TAF3: variants seen among roughly 807,000 people sequenced by gnomAD.
TAF3 encodes the protein transcription initiation factor TFIID subunit 3.
TAF3 carries 7 observed loss-of-function variants against 80.6 expected under a neutral mutation model. The ratio of observed to expected loss-of-function variants is 0.09; its 90% CI spans 0.05 to 0.16. TAF3 has a LOEUF of 0.16. Ranked by LOEUF, TAF3 falls within the 10% of genes least tolerant of loss-of-function variation. The pLI is 1.00. For missense variants in TAF3, 921 were observed against 1,140.2 expected (o/e 0.81, Z 2.77); for synonymous variants, 444 against 446.1 (o/e 1.00, Z 0.06).
intron 2 of TAF3, among the ~76,000 whole-genome samples, chr10:7,881,925 G>C (rs910832317): frequency 1.1e-4 from 16 of 152,158 alleles, no homozygotes; most frequent in Non-Finnish European, 1.9e-4. Flanking sequence ...ATATGTTGGT[G>C]GACTTCCACA....
intron 2 of TAF3, among the ~76,000 whole-genome samples, chr10:7,958,980 C>G (rs753542232): frequency 6.6e-6 from 1 of 152,108 alleles, no homozygotes; most frequent in East Asian, 1.9e-4. Context: ...TAAAAATACA[C>G]ACACACAAAA....
At chr10:7,898,706 G>A (rs1033431635) in intron 2 of TAF3, among the ~76,000 whole-genome samples, 3 of 152,086 alleles carry the variant, frequency 2.0e-5, no homozygotes, top group African/African-American at 7.2e-5. Context: ...AAAGAAAGAG[G>A]TAGACTCTCT....
intron 2 of TAF3, among the ~76,000 whole-genome samples, chr10:7,934,416 T>C (rs1326300719): frequency 6.6e-6 from 1 of 152,200 alleles, no homozygotes; most frequent in African/African-American, 2.4e-5. Flanking sequence ...CTTAATGTCC[T>C]TCCATTCTTT....
chr10:8,012,382 G>A (rs1376729642), intron 5 of TAF3, among the ~76,000 whole-genome samples: 1 of 152,166 alleles, frequency 6.6e-6, no homozygotes, highest in Non-Finnish European at 1.5e-5. Flanking sequence ...CTACCCAGAG[G>A]TTGTTTTACA....
In TAF3 at chr10:8,016,121, C is replaced by A. The variant is rs1171014768; in HGVS notation, c.*1370C>A. 1 of 152,116 alleles carries A rather than the reference C, an allele frequency of 6.6e-6. No homozygotes were observed. The highest frequency in any genetic ancestry group is 1.5e-5 in the Non-Finnish European group (1 of 68,018). The allele number at this position is 152,116 out of a possible 1,614,324, so 9.4% of individuals were successfully genotyped here. On this transcript the variant is annotated 3_prime_UTR_variant, in exon 7 of 7. Coordinates refer to ENST00000344293, the MANE Select transcript of TAF3 (RefSeq NM_031923.4). ...AATGTTAAAAAAACATCAAATTTAA[C>A]TTTATTAGCATATTTTAGCAACTTT...
intron 2 of TAF3, among the ~76,000 whole-genome samples, chr10:7,847,145 GC>G (rs1836980109): frequency 6.6e-6 from 1 of 152,138 alleles, no homozygotes; most frequent in African/African-American, 2.4e-5. Flanking sequence ...AATGGAATTG[GC>G]CATATAAGTG....
intron 2 of TAF3, among the ~76,000 whole-genome samples, chr10:7,920,012 G>T (rs1176919546): frequency 1.3e-5 from 2 of 152,090 alleles, no homozygotes; most frequent in Non-Finnish European, 2.9e-5. Flanking sequence ...TTAGGAGGGT[G>T]AGGCAGGAGA....
intron 2 of TAF3, among the ~76,000 whole-genome samples, chr10:7,846,108 G>A (rs572532227): frequency 1.1e-4 from 17 of 151,738 alleles, no homozygotes; most frequent in Non-Finnish European, 1.6e-4. Context: ...ACAGGCGCCC[G>A]CCACCACGCC....
intron 2 of TAF3, among the ~76,000 whole-genome samples, chr10:7,869,312 G>A (rs1037952230): frequency 2.0e-5 from 3 of 150,852 alleles, no homozygotes; most frequent in East Asian, 2.0e-4. Flanking sequence ...GTGTAGAGAC[G>A]CACACACACA....
intron 2 of TAF3, among the ~76,000 whole-genome samples, chr10:7,843,837 C>T (rs993110070): frequency 2.0e-5 from 3 of 151,936 alleles, no homozygotes; most frequent in Non-Finnish European, 4.4e-5. Flanking sequence ...TGGTTAAATA[C>T]ACTCTTGTTA....
rs866661658 is a variant in TAF3, at chr10:7,965,248, C to T, written c.1738C>T (p.Leu580Phe). Residue 580 changes from leucine (L) to phenylalanine (F), a missense_variant, in exon 3 of 7, where the codon CTT (leucine) becomes TTT (phenylalanine). Leu to Phe is a conservative substitution (Grantham distance 22). Around this residue, in one of 6 missense-constraint regions of TAF3, gnomAD observed 743 missense variants for 821.0 expected, o/e 0.90. Coordinates refer to ENST00000344293, the MANE Select transcript of TAF3 (RefSeq NM_031923.4). ...RETKYPWKEF[L>F]KEEEADPYKF... Reference sequence around the variant, plus strand: ...AACAAAGTATCCCTGGAAGGAATTTCTTAAAGAGGAAGAGGCAGATCCCTA... The same window carrying T: ...AACAAAGTATCCCTGGAAGGAATTTTTTAAAGAGGAAGAGGCAGATCCCTA... 7 of 1,608,762 alleles carry T rather than the reference C, an allele frequency of 4.4e-6. No homozygotes were observed. Among genetic ancestry groups the T allele is most frequent in the Non-Finnish European group, 5.9e-6 (7 of 1,178,716 alleles).
chr10:7,961,956 C>A (rs1831505879), intron 2 of TAF3, among the ~76,000 whole-genome samples: 1 of 152,052 alleles, frequency 6.6e-6, no homozygotes, highest in Admixed American at 6.5e-5. Context: ...CTCAGGTGAC[C>A]CTTGCACCTC....
intron 2 of TAF3, among the ~76,000 whole-genome samples, chr10:7,840,858 T>C (rs1285721828): frequency 1.3e-5 from 2 of 152,124 alleles, no homozygotes; most frequent in Admixed American, 1.3e-4. Context: ...TTCTTTCTTT[T>C]TTTTTTTTGA....
intron 2 of TAF3, among the ~76,000 whole-genome samples, chr10:7,869,133 G>C (rs779462028): frequency 4.6e-5 from 7 of 152,002 alleles, no homozygotes; most frequent in African/African-American, 7.3e-5. Context: ...AAATATTCTA[G>C]AAGATAGTAA....
intron 2 of TAF3, among the ~76,000 whole-genome samples, chr10:7,892,228 T>A (rs79380349): frequency 0.011 from 1,720 of 152,326 alleles, 32 homozygotes; most frequent in African/African-American, 0.039. Context: ...AGGACTTGGC[T>A]AGGAAATAGA....
At chr10:7,835,393 A>G (rs1032887969) in intron 2 of TAF3, among the ~76,000 whole-genome samples, 9 of 152,182 alleles carry the variant, frequency 5.9e-5, no homozygotes, top group Middle Eastern at 3.2e-3. Flanking sequence ...TCCCTCTTCT[A>G]TCGTTTTTGC....
chr10:7,920,232 C>T (rs141960665), intron 2 of TAF3, among the ~76,000 whole-genome samples: 85 of 151,306 alleles, frequency 5.6e-4, no homozygotes, highest in African/African-American at 1.4e-3. Flanking sequence ...CCGGCCTGCG[C>T]GACAAAATTT....
chr10:7,963,107 T>C (rs1831526746), intron 2 of TAF3, among the ~76,000 whole-genome samples: 1 of 152,128 alleles, frequency 6.6e-6, no homozygotes, highest in African/African-American at 2.4e-5. Flanking sequence ...CATTGCACCA[T>C]ACTCCCTCTC....
chr10:7,905,946 A>T (rs1837605294), intron 2 of TAF3, among the ~76,000 whole-genome samples: 1 of 152,274 alleles, frequency 6.6e-6, no homozygotes, highest in East Asian at 1.9e-4. Flanking sequence ...TATATGGTAA[A>T]TGCACCAATT....
Sources: gnomAD v4.1 joint callset for allele counts (sites outside exome capture counted in the v4.1 genomes callset) on GRCh38, gnomAD v4.1.1 for gene constraint, gnomAD v4.1.1 regional missense constraint, MANE v1.5 for transcripts, NCBI Gene and HGNC (gene_info 2026-07-23, HGNC 2026-07-21) for gene names.